EIF4G3: variants seen among roughly 807,000 people sequenced by gnomAD.
The protein encoded by EIF4G3 is eukaryotic translation initiation factor 4 gamma 3.
EIF4G3 carries 34 observed loss-of-function variants against 186.4 expected under a neutral mutation model. The ratio of observed to expected loss-of-function variants is 0.18; its 90% CI spans 0.14 to 0.24. The LOEUF (loss-of-function observed/expected upper bound fraction) is 0.24. Ranked by LOEUF, EIF4G3 falls within the 10% of genes least tolerant of loss-of-function variation. The pLI is 1.00. For synonymous variants in EIF4G3, 673 were observed against 679.5 expected (o/e 0.99, Z 0.15); for missense variants, 1,536 against 1,948.5 (o/e 0.79, Z 3.99).
chr1:20,905,104 G>C, intron 14 of EIF4G3, 133 bp from the exon 15 acceptor site: 1 of 590,020 alleles, frequency 1.7e-6, no homozygotes. Context: ...ATAGTTGGCT[G>C]ATCAAGTGAA....
intron 20 of EIF4G3, among the ~76,000 whole-genome samples, chr1:20,876,840 TA>T (rs1276570061): frequency 1.3e-5 from 2 of 151,604 alleles, no homozygotes; most frequent in African/African-American, 4.8e-5. Context: ...CTACCAAAAA[TA>T]AAAAAATAGC....
chr1:20,943,968 T>TGTGTGTGTGTG (rs1558362029), intron 13 of EIF4G3, among the ~76,000 whole-genome samples: 151 of 11,952 alleles, frequency 0.013, 9 homozygotes, highest in South Asian at 0.023. Context: ...CTTGTCTTTA[T>TGTGTGTGTGTG]TTTTTTTGTG....
intron 25 of EIF4G3, 92 bp downstream of exon 25, chr1:20,857,311 T>G: frequency 9.5e-7 from 1 of 1,053,158 alleles, no homozygotes; most frequent in Non-Finnish European, 1.5e-6. Context: ...AGACACGTTT[T>G]GCAACTATTG....
rs766267482 is a variant in EIF4G3, at chr1:21,176,841, C to G, written c.-575G>C. Reference sequence around the variant, plus strand: ...ATGCCGGTGGATTTTCTTCACTCAACGAGCAGAGCATCCAACATGGCGCTG... The same window carrying G: ...ATGCCGGTGGATTTTCTTCACTCAAGGAGCAGAGCATCCAACATGGCGCTG... On this transcript the variant is annotated 5_prime_UTR_variant, in exon 1 of 37. Transcript: ENST00000602326. 7.1e-6 allele frequency: 5 copies of G among 701,546 alleles called. No homozygotes were observed. The highest frequency in any genetic ancestry group is 1.7e-5 in the African/African-American group (1 of 57,160). The allele number at this position is 701,546 out of a possible 1,614,324, so 43.5% of individuals were successfully genotyped here.
chr1:20,826,360 T>G (rs1420367879), intron 32 of EIF4G3, among the ~76,000 whole-genome samples: 3 of 151,166 alleles, frequency 2.0e-5, no homozygotes, highest in African/African-American at 7.3e-5. Context: ...AGAGATGGGA[T>G]TTTGCCATGT....
chr1:21,078,260 T>C (rs1161924449), intron 3 of EIF4G3, among the ~76,000 whole-genome samples: 2 of 152,192 alleles, frequency 1.3e-5, no homozygotes, highest in East Asian at 1.9e-4. Flanking sequence ...ATGTGTCATA[T>C]ATACACAATG....
rs58318709 is a variant in EIF4G3, at chr1:20,901,035, C to A, written c.1753-1092G>T. ...AATTGTTTAATGTTATCAACAGAAACAGATGGTTTTTAGACTCTGTTTCTA... is the reference window on the plus strand; with the variant it reads ...AATTGTTTAATGTTATCAACAGAAAAAGATGGTTTTTAGACTCTGTTTCTA... On this transcript the variant is annotated intron_variant, in intron 15 of 36. Transcript: ENST00000602326. Among the ~76,000 whole-genome samples, 576 of 152,068 alleles carry A rather than the reference C, an allele frequency of 3.8e-3. 3 individuals carry two copies. The highest frequency in any genetic ancestry group is 0.013 in the African/African-American group (538 of 41,478).
intron 2 of EIF4G3, among the ~76,000 whole-genome samples, chr1:21,134,707 C>A (rs1011689954): frequency 6.6e-6 from 1 of 152,008 alleles, no homozygotes; most frequent in Non-Finnish European, 1.5e-5. Flanking sequence ...ATACATTGGG[C>A]TAATGAATCC....
At chr1:21,053,169 T>C (rs1397075139) in intron 3 of EIF4G3, among the ~76,000 whole-genome samples, 3 of 150,210 alleles carry the variant, frequency 2.0e-5, no homozygotes, top group African/African-American at 7.4e-5. Flanking sequence ...TCGTCTGAGA[T>C]GTGGGGAGCA....
At chr1:21,097,331 GA>G (rs1174783805) in intron 2 of EIF4G3, among the ~76,000 whole-genome samples, 1 of 152,100 alleles carries the variant, frequency 6.6e-6, no homozygotes, top group Admixed American at 6.6e-5. Flanking sequence ...GTATCCCTAG[GA>G]AAAAGGACAC....
Position 20,923,366 on chromosome 1 carries a change from T to C in EIF4G3, c.1663+18125A>G, listed in dbSNP as rs144789064. ...GATGACTCCAATGAGACCACTGGCA[T>C]ATCTTCTAGGCCTCTGTTTTTACTG... is the stretch of plus-strand genomic sequence containing the variant. On this transcript the variant is annotated intron_variant, in intron 14 of 36. Coordinates refer to ENST00000602326, the MANE Select transcript of EIF4G3 (RefSeq NM_001391906.1). Among the ~76,000 whole-genome samples the C allele has an allele frequency of 4.6e-3, 696 of 152,304 alleles. 5 individuals carry two copies. Among genetic ancestry groups the C allele is most frequent in the African/African-American group, 0.016 (661 of 41,566 alleles).
At chr1:21,117,422 G>A (rs1208626307) in intron 2 of EIF4G3, among the ~76,000 whole-genome samples, 3 of 152,068 alleles carry the variant, frequency 2.0e-5, no homozygotes, top group Non-Finnish European at 2.9e-5. Context: ...AAATGCTGCA[G>A]TGTGGCACTC....
At chr1:21,021,703 G>A (rs997970922) in intron 4 of EIF4G3, among the ~76,000 whole-genome samples, 3 of 152,016 alleles carry the variant, frequency 2.0e-5, no homozygotes, top group South Asian at 2.1e-4. Context: ...CTACAGGCGC[G>A]CAGCACAATG....
At chr1:20,960,572 C>A (rs1430108839) in intron 12 of EIF4G3, among the ~76,000 whole-genome samples, 1 of 151,846 alleles carries the variant, frequency 6.6e-6, no homozygotes, top group African/African-American at 2.4e-5. Context: ...GGCAACATAA[C>A]GAGACCTCAT....
rs577298503 is a variant in EIF4G3 at position 21,094,123 on chromosome 1, T to A, written c.-271-4910A>T. Among the ~76,000 whole-genome samples, 215 of 151,464 alleles carry A rather than the reference T, an allele frequency of 1.4e-3. 1 individual carries two copies. The highest frequency in any genetic ancestry group is 3.5e-3 in the African/African-American group (144 of 41,228). On this transcript the variant is annotated intron_variant, in intron 2 of 36. Coordinates refer to ENST00000602326, the MANE Select transcript of EIF4G3 (RefSeq NM_001391906.1). ...TAATAAAAAAAATTTTTTTTTTTTT[T>A]TAAAAAAAGCCAGGATTTCCTTAGG...
intron 3 of EIF4G3, among the ~76,000 whole-genome samples, chr1:21,080,201 G>A (rs1037285011): frequency 1.9e-4 from 28 of 150,476 alleles, no homozygotes; most frequent in African/African-American, 6.6e-4. Context: ...TGTAGTCCTA[G>A]CTACTTGGAA....
intron 3 of EIF4G3, among the ~76,000 whole-genome samples, chr1:21,078,922 C>G (rs1294625427): frequency 2.6e-5 from 4 of 152,060 alleles, no homozygotes; most frequent in Non-Finnish European, 4.4e-5. Flanking sequence ...GAGGCGGAGG[C>G]TGCAGTAAGC....
intron 2 of EIF4G3, among the ~76,000 whole-genome samples, chr1:21,101,590 CGAGG>C (rs1363878645): frequency 3.4e-4 from 6 of 17,868 alleles, no homozygotes; most frequent in South Asian, 6.2e-3. Context: ...AAAAAAAAAC[CGAGG>C]GAGGGAGGGA....
intron 6 of EIF4G3, among the ~76,000 whole-genome samples, chr1:21,000,506 T>TGGATG (rs1175792290): frequency 7.9e-5 from 12 of 151,618 alleles, no homozygotes; most frequent in Admixed American, 1.3e-4. Flanking sequence ...AGCTGTGAGA[T>TGGATG]GGATGAGACT....
Sources: gnomAD v4.1 joint callset for allele counts (sites outside exome capture counted in the v4.1 genomes callset) on GRCh38, gnomAD v4.1.1 for gene constraint, MANE v1.5 for transcripts, NCBI Gene and HGNC (gene_info 2026-07-23, HGNC 2026-07-21) for gene names.